WWOX: variants seen among roughly 807,000 people sequenced by gnomAD.
WWOX encodes the protein WW domain containing oxidoreductase, also known as WW domain-containing oxidoreductase.
In WWOX, 69 loss-of-function variants were observed where a neutral mutation model predicts 46.2. That is an observed-to-expected ratio of 1.49 (90% CI 1.23 to 1.82). WWOX has a LOEUF of 1.82. Ranked by LOEUF, WWOX falls within the 40% of genes most tolerant of loss-of-function variation. The probability of loss-of-function intolerance (pLI) is 0.00; values close to 1 mark genes in which losing one functional copy is unlikely to be tolerated. For synonymous variants in WWOX, 359 were observed against 202.6 expected (o/e 1.77, Z -6.56); for missense variants, 919 against 542.6 (o/e 1.69, Z -6.89).
chr16:78,358,355 T>A (rs1013789230), intron 5 of WWOX, among the ~76,000 whole-genome samples: 3 of 152,176 alleles, frequency 2.0e-5, no homozygotes, highest in African/African-American at 7.2e-5. Context: ...ATAAAGTCAA[T>A]GTTGTAAATA....
At chr16:78,571,595 G>A (rs1024461933) in intron 8 of WWOX, among the ~76,000 whole-genome samples, 4 of 152,182 alleles carry the variant, frequency 2.6e-5, no homozygotes, top group African/African-American at 4.8e-5. Context: ...TTGGCTGGGT[G>A]CAGTGGCTCA....
intron 8 of WWOX, among the ~76,000 whole-genome samples, chr16:78,666,340 G>A (rs1025672124): frequency 6.6e-6 from 1 of 152,096 alleles, no homozygotes; most frequent in South Asian, 2.1e-4. Context: ...GGGGTTACTT[G>A]TAACTGTGTC....
intron 8 of WWOX, among the ~76,000 whole-genome samples, chr16:78,544,749 C>T (rs1273016658): frequency 6.6e-6 from 1 of 151,754 alleles, no homozygotes; most frequent in Non-Finnish European, 1.5e-5. Flanking sequence ...GTTGTGCACT[C>T]CTGTGGTTCC....
At chr16:78,437,100 G>C (rs1229649499) in intron 8 of WWOX, among the ~76,000 whole-genome samples, 1 of 152,180 alleles carries the variant, frequency 6.6e-6, no homozygotes, top group Non-Finnish European at 1.5e-5. Context: ...TACACATTCT[G>C]TTGCATGAGG....
At chr16:78,799,016 C>A (rs1025413455) in intron 8 of WWOX, among the ~76,000 whole-genome samples, 7 of 152,116 alleles carry the variant, frequency 4.6e-5, no homozygotes, top group African/African-American at 1.7e-4. Context: ...AAATGCTTTT[C>A]CGGTGGGATG....
intron 8 of WWOX, among the ~76,000 whole-genome samples, chr16:78,696,701 G>T (rs2048107189): frequency 6.6e-6 from 1 of 151,986 alleles, no homozygotes; most frequent in African/African-American, 2.4e-5. Flanking sequence ...GGGTACAGGT[G>T]GTATTTGGTT....
intron 8 of WWOX, among the ~76,000 whole-genome samples, chr16:78,864,644 T>C (rs548690425): frequency 2.0e-5 from 3 of 151,980 alleles, no homozygotes; most frequent in East Asian, 1.9e-4. Flanking sequence ...TGAGGTCCCA[T>C]TGGGCCCAGC....
intron 5 of WWOX, among the ~76,000 whole-genome samples, chr16:78,363,315 C>T (rs1002287280): frequency 2.0e-5 from 3 of 151,728 alleles, no homozygotes; most frequent in African/African-American, 7.3e-5. Flanking sequence ...AATATGTCAC[C>T]CAGGCTGCAG....
chr16:78,623,331 A>T (rs1007336689), intron 8 of WWOX, among the ~76,000 whole-genome samples: 2 of 152,218 alleles, frequency 1.3e-5, no homozygotes, highest in African/African-American at 4.8e-5. Flanking sequence ...AGCAAGTTCT[A>T]AGTTACTCAC....
chr16:78,777,266 G>A (rs937552390), intron 8 of WWOX, among the ~76,000 whole-genome samples: 1 of 152,102 alleles, frequency 6.6e-6, no homozygotes, highest in East Asian at 1.9e-4. Flanking sequence ...GTGCCTCTCA[G>A]GTGTCAATGC....
intron 8 of WWOX, among the ~76,000 whole-genome samples, chr16:79,112,505 C>A (rs1043240840): frequency 6.6e-6 from 1 of 152,116 alleles, no homozygotes; most frequent in Non-Finnish European, 1.5e-5. Flanking sequence ...CCCCACCCTG[C>A]GAGTTCTTCA....
At chr16:79,071,725 C>T (rs575747823) in intron 8 of WWOX, among the ~76,000 whole-genome samples, 26 of 152,314 alleles carry the variant, frequency 1.7e-4, no homozygotes, top group Middle Eastern at 3.4e-3. Context: ...TTAAGTTGGT[C>T]CCTTGATTGC....
At chr16:78,452,878 T>TATATATATATATATATATATACAC (rs752791786) in intron 8 of WWOX, among the ~76,000 whole-genome samples, 3 of 143,020 alleles carry the variant, frequency 2.1e-5, no homozygotes, top group African/African-American at 5.9e-5. Context: ...TATATATATA[T>TATATATATATATATATATATACAC]ATACATATTT....
chr16:78,516,280 C>G (rs144661475), intron 8 of WWOX, among the ~76,000 whole-genome samples: 70 of 152,236 alleles, frequency 4.6e-4, no homozygotes, highest in Non-Finnish European at 9.4e-4. Context: ...TTGGCTTTTA[C>G]AAGAACACTG....
chr16:78,597,310 C>G (rs1001902929), intron 8 of WWOX, among the ~76,000 whole-genome samples: 1 of 152,106 alleles, frequency 6.6e-6, no homozygotes, highest in Admixed American at 6.5e-5. Flanking sequence ...CTATTAGCAC[C>G]TACTGTGTGC....
intron 5 of WWOX, among the ~76,000 whole-genome samples, chr16:78,172,260 G>C (rs1597304781): frequency 6.6e-6 from 1 of 152,202 alleles, no homozygotes; most frequent in Non-Finnish European, 1.5e-5. Context: ...TGATGAACAT[G>C]GGCCAAGGAA....
rs749277249 is a variant in WWOX, at chr16:78,425,009, C to T, written c.745C>T (p.Arg249Cys). Residue 249 changes from arginine (R) to cysteine (C), a missense_variant, in exon 7 of 9, where the codon CGC becomes TGC. Coordinates refer to ENST00000566780, the MANE Select transcript of WWOX (RefSeq NM_016373.4). ...LVQLLQDVLCRSAPARVIVVS... is the reference protein window; with the variant it reads ...LVQLLQDVLCCSAPARVIVVS... Reference sequence around the variant, plus strand: ...CCAGCTCCTCCAGGATGTTTTGTGCCGCTCAGCTCCTGCCCGTGTCATTGT... The same window carrying T: ...CCAGCTCCTCCAGGATGTTTTGTGCTGCTCAGCTCCTGCCCGTGTCATTGT... The T allele has an allele frequency of 6.1e-5, 98 of 1,613,944 alleles. 1 individual carries two copies. Among genetic ancestry groups the T allele is most frequent in the South Asian group, 7.7e-5 (7 of 91,080 alleles).
At chr16:78,764,821 T>G (rs2049889866) in intron 8 of WWOX, among the ~76,000 whole-genome samples, 1 of 151,908 alleles carries the variant, frequency 6.6e-6, no homozygotes, top group African/African-American at 2.4e-5. Flanking sequence ...TCTGATCTCA[T>G]TTGATATTGT....
At chr16:78,673,431 G>C (rs2047514585) in intron 8 of WWOX, among the ~76,000 whole-genome samples, 1 of 152,094 alleles carries the variant, frequency 6.6e-6, no homozygotes, top group Admixed American at 6.5e-5. Context: ...GAACACTGTT[G>C]ATCATCGGTA....
Sources: allele counts gnomAD v4.1 joint callset (sites outside exome capture counted in the v4.1 genomes callset), GRCh38; gene constraint gnomAD v4.1.1; transcripts MANE v1.5; gene names NCBI Gene and HGNC (gene_info 2026-07-23, HGNC 2026-07-21).